The following SPAG16 variants were observed in gnomAD, a reference collection of about 807,000 sequenced individuals.
SPAG16 encodes the protein sperm-associated antigen 16 protein.
Under a neutral mutation model 80.4 loss-of-function variants are expected in SPAG16, and 86 were observed. That is an observed-to-expected ratio of 1.07 (90% CI 0.90 to 1.28). The LOEUF (loss-of-function observed/expected upper bound fraction) is 1.28. SPAG16 is among the 50% of genes most tolerant of loss of function. The pLI is 0.00. For synonymous variants in SPAG16, 294 were observed against 265.9 expected (o/e 1.11, Z -1.03); for missense variants, 870 against 765.3 (o/e 1.14, Z -1.61).
intron 13 of SPAG16, among the ~76,000 whole-genome samples, chr2:214,042,771 C>T (rs2049106602): frequency 6.6e-6 from 1 of 152,154 alleles, no homozygotes; most frequent in Admixed American, 6.6e-5. Flanking sequence ...TGCAACTCTC[C>T]TAAGAGTCTC....
chr2:214,196,054 C>T (rs182238200), intron 15 of SPAG16, among the ~76,000 whole-genome samples: 17 of 151,970 alleles, frequency 1.1e-4, no homozygotes, highest in Admixed American at 8.5e-4. Context: ...CAGAATCGCC[C>T]ATATTTAATA....
intron 15 of SPAG16, among the ~76,000 whole-genome samples, chr2:214,347,361 G>A (rs889139900): frequency 4.1e-5 from 6 of 144,596 alleles, no homozygotes; most frequent in Non-Finnish European, 9.2e-5. Flanking sequence ...TTTTTTTTTA[G>A]TAGAATTTGG....
intron 11 of SPAG16, among the ~76,000 whole-genome samples, chr2:213,923,127 G>A (rs1432320317): frequency 2.0e-5 from 3 of 152,076 alleles, no homozygotes; most frequent in Non-Finnish European, 4.4e-5. Context: ...GCAAATTCAG[G>A]GAAAACTAGG....
At chr2:213,577,832 A>G (rs1559273718) in intron 10 of SPAG16, among the ~76,000 whole-genome samples, 2 of 152,106 alleles carry the variant, frequency 1.3e-5, no homozygotes, top group East Asian at 1.9e-4. Context: ...TGAGATATTG[A>G]AAACCATTAG....
chr2:213,633,086 G>A (rs1330952406), intron 10 of SPAG16, among the ~76,000 whole-genome samples: 2 of 152,098 alleles, frequency 1.3e-5, no homozygotes, highest in Non-Finnish European at 2.9e-5. Flanking sequence ...CAGCAGTGAA[G>A]CCATCAGGTC....
intron 12 of SPAG16, among the ~76,000 whole-genome samples, chr2:213,988,511 A>G (rs997299873): frequency 2.0e-5 from 3 of 152,126 alleles, no homozygotes; most frequent in African/African-American, 7.2e-5. Flanking sequence ...TTAAAGAGGA[A>G]TTCACAGGAG....
At chr2:213,513,843 A>G (rs2075325365) in intron 10 of SPAG16, among the ~76,000 whole-genome samples, 1 of 152,124 alleles carries the variant, frequency 6.6e-6, no homozygotes, top group South Asian at 2.1e-4. Flanking sequence ...TTCCTGTGTA[A>G]TTACTAACAG....
chr2:213,473,935 C>T (rs989520854), intron 9 of SPAG16, among the ~76,000 whole-genome samples: 14 of 152,252 alleles, frequency 9.2e-5, no homozygotes, highest in African/African-American at 2.9e-4. Flanking sequence ...GGGTGTGGCT[C>T]CTGAGAAGAA....
intron 15 of SPAG16, among the ~76,000 whole-genome samples, chr2:214,152,779 A>G (rs984484411): frequency 3.3e-5 from 5 of 152,200 alleles, no homozygotes; most frequent in Non-Finnish European, 5.9e-5. Context: ...CACGTGGGTC[A>G]CGTGTCCACT....
chr2:214,353,912 G>A (rs1410024260), intron 15 of SPAG16, among the ~76,000 whole-genome samples: 3 of 152,062 alleles, frequency 2.0e-5, no homozygotes, highest in Non-Finnish European at 4.4e-5. Flanking sequence ...ATATACATCT[G>A]AAAATATAGG....
At chr2:213,969,421 A>T (rs924777841) in intron 12 of SPAG16, among the ~76,000 whole-genome samples, 1 of 152,200 alleles carries the variant, frequency 6.6e-6, no homozygotes, top group Non-Finnish European at 1.5e-5. Flanking sequence ...ATTGAAACGT[A>T]GTCCCAAATA....
chr2:214,112,837 G>T (rs185200937), intron 14 of SPAG16, among the ~76,000 whole-genome samples: 1 of 151,906 alleles, frequency 6.6e-6, no homozygotes, highest in African/African-American at 2.4e-5. Flanking sequence ...GGTTAATATT[G>T]CTATGTGTGA....
chr2:213,714,837 G>T (rs928467067), intron 10 of SPAG16, among the ~76,000 whole-genome samples: 7 of 152,132 alleles, frequency 4.6e-5, no homozygotes, highest in Admixed American at 4.6e-4. Flanking sequence ...TACTTTATAA[G>T]TTAAAAGAGA....
At chr2:213,968,381 A>C (rs1406149866) in intron 12 of SPAG16, among the ~76,000 whole-genome samples, 1 of 152,128 alleles carries the variant, frequency 6.6e-6, no homozygotes, top group East Asian at 1.9e-4. Context: ...TTTAGTGGAG[A>C]CAGGGTTTGC....
intron 9 of SPAG16, among the ~76,000 whole-genome samples, chr2:213,407,759 CAGG>C (rs2068717532): frequency 8.8e-6 from 1 of 113,256 alleles, no homozygotes; most frequent in Non-Finnish European, 1.8e-5. Flanking sequence ...CAGAGAGAGA[CAGG>C]AGAGAGGCAG....
rs115301011 is a variant in SPAG16 at position 213,810,849 on chromosome 2, G to A, written c.1071-51636G>A. On this transcript the variant is annotated intron_variant, in intron 10 of 15. Transcript: ENST00000331683. ...GTAATATCTGGCTGTGTTAAAATGTGTAATAGATAATATTTCAAAGTTGTG... is the reference window on the plus strand; with the variant it reads ...GTAATATCTGGCTGTGTTAAAATGTATAATAGATAATATTTCAAAGTTGTG... Among the ~76,000 whole-genome samples the A allele has an allele frequency of 5.9e-3, 896 of 152,256 alleles. 11 individuals carry two copies. Among genetic ancestry groups the A allele is most frequent in the African/African-American group, 0.02 (844 of 41,560 alleles).
intron 10 of SPAG16, among the ~76,000 whole-genome samples, chr2:213,683,332 C>T (rs1202915039): frequency 6.6e-6 from 1 of 152,158 alleles, no homozygotes; most frequent in African/African-American, 2.4e-5. Flanking sequence ...GGGCAGATCA[C>T]TTGAGGTCAG....
intron 10 of SPAG16, among the ~76,000 whole-genome samples, chr2:213,583,761 T>A (rs935662287): frequency 6.6e-6 from 1 of 152,218 alleles, no homozygotes; most frequent in Admixed American, 6.5e-5. Context: ...CATTATGATA[T>A]CTTGACTACT....
intron 10 of SPAG16, among the ~76,000 whole-genome samples, chr2:213,727,790 A>G (rs1339959613): frequency 1.3e-5 from 2 of 152,236 alleles, no homozygotes; most frequent in African/African-American, 4.8e-5. Flanking sequence ...TAACTGGCTA[A>G]CATGTAAAGA....
Sources: allele counts gnomAD v4.1 joint callset (sites outside exome capture counted in the v4.1 genomes callset), GRCh38; gene constraint gnomAD v4.1.1; transcripts MANE v1.5; gene names NCBI Gene and HGNC (gene_info 2026-07-23, HGNC 2026-07-21).